The following NF1 variants were observed in gnomAD, a reference collection of about 807,000 sequenced individuals.
NF1 encodes neurofibromin.
Under a neutral mutation model 325.7 loss-of-function variants are expected in NF1, and 122 were observed. The ratio of observed to expected loss-of-function variants is 0.37; its 90% CI spans 0.32 to 0.44. The LOEUF (loss-of-function observed/expected upper bound fraction) is 0.44, where lower values mean the gene tolerates loss of function less well. Ranked by LOEUF, NF1 falls within the 20% of genes least tolerant of loss-of-function variation. The probability of loss-of-function intolerance (pLI) is 1.00; values close to 1 mark genes in which losing one functional copy is unlikely to be tolerated. For missense variants in NF1, 2,140 were observed against 3,415.4 expected (o/e 0.63, Z 9.31); for synonymous variants, 1,091 against 1,186.0 (o/e 0.92, Z 1.65).
At chr17:31,304,514 G>A (rs1567884118) in intron 36 of NF1, 1 of 1,614,176 alleles carries the variant, frequency 6.2e-7, no homozygotes. Context: ...TCATTTGGAA[G>A]AGGAGATACA....
At chr17:31,370,978 G>C (rs1302866993) in intron 57 of NF1, among the ~76,000 whole-genome samples, 1 of 151,970 alleles carries the variant, frequency 6.6e-6, no homozygotes, top group Non-Finnish European at 1.5e-5. Context: ...GGTCAAATAC[G>C]CTGACAAATT....
At position 31,375,028 on chromosome 17, in the gene NF1, ATT is replaced by A. The variant is rs558636964; in HGVS notation, c.*878_*879del. 3.0e-4 allele frequency: 52 copies of A among 171,480 alleles called. No individual in the cohort carries two copies. The highest frequency in any genetic ancestry group is 1.6e-3 in the African/African-American group (47 of 30,222). The allele number at this position is 171,480 out of a possible 1,614,324, so 10.6% of individuals were successfully genotyped here. On this transcript the variant is annotated 3_prime_UTR_variant, in exon 58 of 58. Coordinates refer to ENST00000358273, the MANE Select transcript of NF1 (RefSeq NM_001042492.3). ...GTATAGTAATTATATATATATATATATTTTTTCCCCTCCCCCTCTTCTTTCCT... is the reference window on the plus strand; with the variant it reads ...GTATAGTAATTATATATATATATATATTTTCCCCTCCCCCTCTTCTTTCCT...
intron 1 of NF1, among the ~76,000 whole-genome samples, chr17:31,096,457 A>G (rs1266024707): frequency 2.6e-5 from 4 of 152,206 alleles, no homozygotes; most frequent in African/African-American, 4.8e-5. Context: ...ATAAATGCAC[A>G]CATAGCCTTT....
At chr17:31,106,549 A>G (rs1248596235) in intron 1 of NF1, among the ~76,000 whole-genome samples, 1 of 152,230 alleles carries the variant, frequency 6.6e-6, no homozygotes, top group Non-Finnish European at 1.5e-5. Context: ...AATTTTACTA[A>G]CAGGTAGTAC....
chr17:31,358,287 A>G, intron 54 of NF1, 193 bp from the exon 55 acceptor site: 1 of 613,872 alleles, frequency 1.6e-6, no homozygotes, highest in South Asian at 2.0e-5. Context: ...CAAAAGACAA[A>G]CAAAAACAGA....
intron 1 of NF1, among the ~76,000 whole-genome samples, chr17:31,124,410 A>G (rs1914687706): frequency 1.3e-5 from 2 of 151,092 alleles, no homozygotes; most frequent in Non-Finnish European, 2.9e-5. Context: ...CTCCCTATTT[A>G]TACATGAGTA....
intron 2 of NF1, among the ~76,000 whole-genome samples, chr17:31,156,837 CT>C (rs1166918209): frequency 1.3e-5 from 2 of 152,170 alleles, no homozygotes; most frequent in Non-Finnish European, 2.9e-5. Flanking sequence ...CAAGTGATCC[CT>C]TCCTCTCTCT....
chr17:31,350,053 T>A, intron 49 of NF1, 130 bp from the exon 50 acceptor site: 1 of 918,408 alleles, frequency 1.1e-6, no homozygotes, highest in South Asian at 1.4e-5. Context: ...TTCACATTTA[T>A]GTAGTCTTCC....
intron 39 of NF1, among the ~76,000 whole-genome samples, chr17:31,333,353 GGT>G (rs1408661470): frequency 1.3e-5 from 2 of 151,984 alleles, no homozygotes; most frequent in Non-Finnish European, 2.9e-5. Context: ...TTTAAATTGA[GGT>G]ATATCTTGTC....
At chr17:31,133,564 TTCCATA>T (rs1213681491) in intron 1 of NF1, 1 of 152,226 alleles carries the variant, frequency 6.6e-6, no homozygotes, top group Non-Finnish European at 1.5e-5. Context: ...TTTTACTGTT[TTCCATA>T]GGTATATGCA....
intron 36 of NF1, among the ~76,000 whole-genome samples, chr17:31,324,444 A>T (rs1465791939): frequency 6.6e-6 from 1 of 152,236 alleles, no homozygotes; most frequent in Non-Finnish European, 1.5e-5. Flanking sequence ...ATTGCCTCAA[A>T]GAAAAGAAAT....
chr17:31,328,728 GAA>G (rs536784902), intron 38 of NF1, among the ~76,000 whole-genome samples: 118 of 152,130 alleles, frequency 7.8e-4, no homozygotes, highest in African/African-American at 2.8e-3. Flanking sequence ...CTTAACTTCT[GAA>G]AATTTTCCCT....
intron 42 of NF1, 101 bp downstream of exon 42, chr17:31,337,015 A>G (rs1210743555): frequency 3.8e-6 from 5 of 1,300,342 alleles, no homozygotes; most frequent in Non-Finnish European, 5.4e-6. Context: ...CTCTAACACC[A>G]AGTTGCTAAT....
intron 5 of NF1, among the ~76,000 whole-genome samples, chr17:31,180,034 C>T (rs2066097991): frequency 6.6e-6 from 1 of 152,168 alleles, no homozygotes; most frequent in Non-Finnish European, 1.5e-5. Context: ...CATACACCCT[C>T]CCAAGACTAA....
At chr17:31,323,271 G>A (rs1206882634) in intron 36 of NF1, among the ~76,000 whole-genome samples, 2 of 151,984 alleles carry the variant, frequency 1.3e-5, no homozygotes, top group Admixed American at 1.3e-4. Context: ...AAACTAGCCG[G>A]GCATGGTGGC....
intron 29 of NF1, among the ~76,000 whole-genome samples, chr17:31,244,673 G>A (rs1195344638): frequency 6.6e-6 from 1 of 152,182 alleles, no homozygotes; most frequent in Non-Finnish European, 1.5e-5. Context: ...ACACCACGGG[G>A]CCACTGCCAG....
chr17:31,293,003 C>G (rs916736195), intron 36 of NF1, among the ~76,000 whole-genome samples: 4 of 151,584 alleles, frequency 2.6e-5, no homozygotes, highest in Non-Finnish European at 4.4e-5. Context: ...CATGATGAAG[C>G]CCCGTCTCTA....
rs1169964502 is a variant in NF1, at chr17:31,357,353, A to G, written c.7954A>G (p.Lys2652Glu). 6.2e-7 allele frequency: 1 copy of G among 1,613,544 alleles called. No individual in the cohort carries two copies. The highest frequency in any genetic ancestry group is 1.7e-5 in the Admixed American group (1 of 60,010). Residue 2652 changes from lysine (K) to glutamate (E), a missense_variant, in exon 54 of 58, where the codon AAA (lysine) becomes GAA (glutamate). Around this residue, in one of 10 missense-constraint regions of NF1, gnomAD observed 522 missense variants for 749.0 expected, o/e 0.70. Transcript: ENST00000358273. Reference protein sequence around the residue: ...YLAEASVVFPKVFPVVHNLLD... With the variant: ...YLAEASVVFPEVFPVVHNLLD... ...AGCAGAGGCCAGTGTTGTGTTTCCC[A>G]AAGTCTTTCCTGTTGTGTAAGTATC...
chr17:31,232,894 G>T lies in NF1; in HGVS notation c.3496+13G>T, dbSNP rs755160223. Reference sequence around the variant, plus strand: ...ATGCACTCCATAGGTGAGATCAAATGAAAGTTTCATATAGAAATACAAAAC... The same window carrying T: ...ATGCACTCCATAGGTGAGATCAAATTAAAGTTTCATATAGAAATACAAAAC... On this transcript the variant is annotated intron_variant, in intron 26 of 57. Transcript: ENST00000358273. 2.2e-5 allele frequency: 36 copies of T among 1,613,956 alleles called. 1 individual carries two copies. In the South Asian group the frequency reaches 4.0e-4, roughly 18 times the overall value.
Sources: allele counts gnomAD v4.1 joint callset (sites outside exome capture counted in the v4.1 genomes callset), GRCh38; gene constraint gnomAD v4.1.1; regional missense constraint gnomAD v4.1.1; transcripts MANE v1.5; gene names NCBI Gene and HGNC (gene_info 2026-07-23, HGNC 2026-07-21).